MED15: variants seen among roughly 807,000 people sequenced by gnomAD.
MED15 encodes the protein mediator of RNA polymerase II transcription subunit 15.
Under a neutral mutation model 118.7 loss-of-function variants are expected in MED15, and 41 were observed. The ratio of observed to expected loss-of-function variants is 0.35; its 90% CI spans 0.27 to 0.45. MED15 has a LOEUF of 0.45. Ranked by LOEUF, MED15 falls within the 20% of genes least tolerant of loss-of-function variation. The pLI is 1.00. For synonymous variants in MED15, 436 were observed against 413.9 expected (o/e 1.05, Z -0.65); for missense variants, 740 against 1,025.5 (o/e 0.72, Z 3.80).
chr22:20,571,519 A>G (rs966368176), intron 8 of MED15, among the ~76,000 whole-genome samples: 4 of 152,218 alleles, frequency 2.6e-5, no homozygotes, highest in African/African-American at 9.6e-5. Flanking sequence ...CGTATCTATG[A>G]GGTGCTTCTC....
At chr22:20,529,744 G>A (rs1418719995) in intron 1 of MED15, among the ~76,000 whole-genome samples, 2 of 151,954 alleles carry the variant, frequency 1.3e-5, no homozygotes, top group African/African-American at 4.8e-5. Context: ...GGATTGCAGC[G>A]CCCACCACCT....
chr22:20,549,189 G>A (rs775667644), intron 2 of MED15, among the ~76,000 whole-genome samples: 1 of 152,208 alleles, frequency 6.6e-6, no homozygotes, highest in Admixed American at 6.5e-5. Context: ...GAGAAATCAA[G>A]GCGATAATGC....
Position 20,584,968 on chromosome 22 carries a change from C to T in MED15, c.1917C>T (p.Tyr639=). 6.2e-7 allele frequency: 1 copy of T among 1,614,078 alleles called. No homozygotes were observed. Among genetic ancestry groups the T allele is most frequent in the East Asian group, 2.2e-5 (1 of 44,890 alleles). Reference sequence around the variant, plus strand: ...CACCTGTCTTCAACCATTCCCTGTACCGCACATTCGTTCCAGCCATGACCG... The same window carrying T: ...CACCTGTCTTCAACCATTCCCTGTATCGCACATTCGTTCCAGCCATGACCG... ...IRSPVFNHSL[Y]RTFVPAMTAI... Residue 639 remains tyrosine, a synonymous_variant, in exon 15 of 18, where the codon TAC becomes TAT. Coordinates refer to ENST00000263205, the MANE Select transcript of MED15 (RefSeq NM_001003891.3).
intron 2 of MED15, among the ~76,000 whole-genome samples, chr22:20,549,215 T>C (rs2055676533): frequency 6.6e-6 from 1 of 152,228 alleles, no homozygotes; most frequent in Admixed American, 6.6e-5. Flanking sequence ...AATTGATGAC[T>C]CCTGTGTCTG....
rs1356067597 is a variant in MED15, at chr22:20,583,326, C to T, written c.1673-4C>T. 6.2e-7 allele frequency: 1 copy of T among 1,613,258 alleles called. No individual in the cohort carries two copies. On this transcript the variant is annotated splice_region_variant and splice_polypyrimidine_tract_variant and intron_variant, in intron 12 of 17. Transcript: ENST00000263205. ...GTCTTAGTGTGTACCCTCTTCTGTC[C>T]CAGACAGAAAAAAGGACCTGAGTAA... is the stretch of plus-strand genomic sequence containing the variant.
At chr22:20,558,171 G>C (rs1300797268) in intron 5 of MED15, among the ~76,000 whole-genome samples, 1 of 152,124 alleles carries the variant, frequency 6.6e-6, no homozygotes, top group Non-Finnish European at 1.5e-5. Flanking sequence ...TTTGTCAGAG[G>C]CCAACTCTCC....
rs529574840 is a variant in MED15, at chr22:20,562,230, G to C, written c.452-2220G>C. ...GCAATTACTTCAATTACATCTCTTT[G>C]TTATTGATAAACAGACCAAAAAATT... On this transcript the variant is annotated intron_variant, in intron 5 of 17. Transcript: ENST00000263205. Among the ~76,000 whole-genome samples, 5 of 152,204 alleles carry C rather than the reference G, an allele frequency of 3.3e-5. No individual in the cohort carries two copies. The East Asian group carries it at 5.8e-4, about 18-fold the overall frequency.
rs190189809 is a variant in MED15, at chr22:20,532,246, G to A, written c.69-4871G>A. On this transcript the variant is annotated intron_variant, in intron 1 of 17. Transcript: ENST00000263205. The stretch of plus-strand genomic sequence containing the variant: ...TTTGAACTTTGGAGAATTAAAGGTG[G>A]CAGTCAGAAAGTGAAGGGAGTTCCC... Among the ~76,000 whole-genome samples the A allele has an allele frequency of 2.0e-4, 30 of 152,334 alleles. No homozygotes were observed. In the East Asian group the frequency reaches 3.3e-3, roughly 17 times the overall value.
At chr22:20,513,886 C>G (rs977719701) in intron 1 of MED15, among the ~76,000 whole-genome samples, 2 of 152,120 alleles carry the variant, frequency 1.3e-5, no homozygotes, top group Non-Finnish European at 2.9e-5. Context: ...TTTTTTGAAA[C>G]AGAATCTTGC....
At chr22:20,515,390 C>T (rs1196783310) in intron 1 of MED15, among the ~76,000 whole-genome samples, 4 of 152,142 alleles carry the variant, frequency 2.6e-5, no homozygotes, top group African/African-American at 9.7e-5. Context: ...TTTGGCTTCC[C>T]TGGGCCATGT....
chr22:20,543,594 G>T (rs745532761), intron 2 of MED15, among the ~76,000 whole-genome samples: 13 of 141,684 alleles, frequency 9.2e-5, no homozygotes, highest in Admixed American at 2.1e-4. Flanking sequence ...GTCTCACTCT[G>T]TCGCCCAGGC....
intron 1 of MED15, among the ~76,000 whole-genome samples, chr22:20,512,187 C>T (rs1046387482): frequency 6.6e-6 from 1 of 151,936 alleles, no homozygotes; most frequent in African/African-American, 2.4e-5. Context: ...TGAGGTTTCA[C>T]CATGTTGCCC....
At chr22:20,535,594 C>A (rs1404794210) in intron 1 of MED15, among the ~76,000 whole-genome samples, 1 of 151,328 alleles carries the variant, frequency 6.6e-6, no homozygotes, top group Non-Finnish European at 1.5e-5. Flanking sequence ...GAGTCTCGCA[C>A]TGTTGCCCAG....
At chr22:20,509,794 G>A (rs1319103196) in intron 1 of MED15, among the ~76,000 whole-genome samples, 1 of 152,108 alleles carries the variant, frequency 6.6e-6, no homozygotes, top group Non-Finnish European at 1.5e-5. Flanking sequence ...AAACTTGAGA[G>A]ATATCCCACT....
chr22:20,554,850 C>T, intron 4 of MED15, 86 bp from the exon 5 acceptor site: 2 of 1,329,460 alleles, frequency 1.5e-6, no homozygotes, highest in East Asian at 4.6e-5. Flanking sequence ...TAGGCGAGAT[C>T]TGTGCTCTGT....
chr22:20,550,773 G>A (rs563911792), intron 2 of MED15, among the ~76,000 whole-genome samples: 1 of 152,264 alleles, frequency 6.6e-6, no homozygotes, highest in African/African-American at 2.4e-5. Flanking sequence ...GAGGACAATG[G>A]GTGGGAGGCA....
intron 11 of MED15, 48 bp downstream of exon 11, chr22:20,583,015 C>T (rs765313586): frequency 1.9e-6 from 3 of 1,590,262 alleles, no homozygotes; most frequent in Non-Finnish European, 2.6e-6. Context: ...TTTATGAGGC[C>T]TCAGCTCATA....
At position 20,564,543 on chromosome 22, in the gene MED15, A is replaced by AG; in HGVS notation, c.546dup (p.Gln183AlafsTer40). ...CAGGCGGCGCTACAGCAGCAGCAGC[A>AG]GCAGCAGCAACAGCAGCAGTTCCAG... On this transcript the variant is annotated frameshift_variant, in exon 6 of 18. Coordinates refer to ENST00000263205, the MANE Select transcript of MED15 (RefSeq NM_001003891.3). LOFTEE classifies it high-confidence loss of function. 6.2e-7 allele frequency: 1 copy of AG among 1,604,602 alleles called. No individual in the cohort carries two copies.
At chr22:20,585,369 CCT>C in intron 16 of MED15, 102 bp downstream of exon 16, 3 of 1,442,408 alleles carry the variant, frequency 2.1e-6, no homozygotes, top group Non-Finnish European at 2.8e-6. Flanking sequence ...CAGAACCCAC[CCT>C]GTGTTCACGC....
Sources: allele counts gnomAD v4.1 joint callset (sites outside exome capture counted in the v4.1 genomes callset), GRCh38; gene constraint gnomAD v4.1.1; transcripts MANE v1.5; gene names NCBI Gene and HGNC (gene_info 2026-07-23, HGNC 2026-07-21).